Variants in SPP1 observed in about 807,000 individuals in gnomAD.
The protein encoded by SPP1 is osteopontin.
In SPP1, 18 loss-of-function variants were observed where a neutral mutation model predicts 20.8. The ratio of observed to expected loss-of-function variants is 0.87; its 90% CI spans 0.60 to 1.29. The LOEUF is 1.29. SPP1 is among the 50% of genes most tolerant of loss of function. The pLI, the probability that SPP1 is intolerant of heterozygous loss-of-function variation, is 0.00. For missense variants in SPP1, 363 were observed against 389.0 expected, an observed-to-expected ratio of 0.93 and a Z score of 0.56; for synonymous variants, 146 against 141.5, an observed-to-expected ratio of 1.03 and a Z score of -0.23.
At position 87,980,069 on chromosome 4, in the gene SPP1, T is replaced by C. The variant is rs767865468; in HGVS notation, c.117T>C (p.Ala39=). The change falls in exon 4 of 7, where the codon GCT becomes GCC. Residue 39 remains alanine, a synonymous_variant. Coordinates refer to ENST00000395080, the MANE Select transcript of SPP1 (RefSeq NM_001040058.2). ...EKQLYNKYPD[A]VATWLNPDPS... is the part of the protein sequence containing the mutation. ...AGCTTTACAACAAATACCCAGATGC[T>C]GTGGCCACATGGCTAAACCCTGACC... is the stretch of plus-strand genomic sequence containing the variant. The C allele has an allele frequency of 2.8e-5, 45 of 1,614,082 alleles. No individual in the cohort carries two copies. The highest frequency in any genetic ancestry group is 3.8e-5 in the Non-Finnish European group (45 of 1,180,044).
At chr4:87,981,332 C>CT in intron 5 of SPP1, 143 bp from the exon 6 acceptor site, 1 of 645,038 alleles carries the variant, frequency 1.6e-6, no homozygotes, top group South Asian at 2.4e-5. Context: ...CTCACTTTAG[C>CT]TCCTAAAAGC....
chr4:87,978,489 A>G (rs6839573), intron 3 of SPP1, among the ~76,000 whole-genome samples: 21,273 of 138,454 alleles, frequency 0.15, 4,354 homozygotes, highest in African/African-American at 0.48. Context: ...TCCGCCTCCC[A>G]GGTTCACCCC....
rs1254554076 is a variant in SPP1 at position 87,983,225 on chromosome 4, A to T, written c.*329A>T. 1 of 187,034 alleles carries T rather than the reference A, an allele frequency of 5.3e-6. No homozygotes were observed. Among genetic ancestry groups the T allele is most frequent in the Admixed American group, 5.6e-5 (1 of 17,712 alleles). 11.6% of individuals were successfully genotyped at this position (187,034 alleles called of 1,614,324 possible). On this transcript the variant is annotated 3_prime_UTR_variant, in exon 7 of 7. Transcript: ENST00000395080. ...ATACTTTTACCCACTTAAAAAGAGA[A>T]TATAACATTTTATGTCACTATAATC...
At chr4:87,979,543 G>C (rs563190784) in intron 3 of SPP1, among the ~76,000 whole-genome samples, 1 of 152,248 alleles carries the variant, frequency 6.6e-6, no homozygotes, top group African/African-American at 2.4e-5. Context: ...CACAGTCTTA[G>C]AGAGTTCCTT....
chr4:87,982,028 A>G (rs1314638437), intron 6 of SPP1, among the ~76,000 whole-genome samples: 2 of 152,086 alleles, frequency 1.3e-5, no homozygotes, highest in Non-Finnish European at 2.9e-5. Context: ...CTACTTTTTG[A>G]AATCCTGGAT....
At chr4:87,976,458 G>C (rs1044064964) in intron 1 of SPP1, among the ~76,000 whole-genome samples, 1 of 152,122 alleles carries the variant, frequency 6.6e-6, no homozygotes. Flanking sequence ...GTACATGTTG[G>C]AAAAATGGAT....
chr4:87,979,312 C>T (rs564790819), intron 3 of SPP1, among the ~76,000 whole-genome samples: 22 of 151,680 alleles, frequency 1.5e-4, no homozygotes, highest in Non-Finnish European at 2.5e-4. Context: ...GTACAGGTGC[C>T]TGCCACCACG....
intron 3 of SPP1, 137 bp downstream of exon 3, chr4:87,977,234 C>A: frequency 1.1e-6 from 1 of 869,590 alleles, no homozygotes; most frequent in Non-Finnish European, 1.8e-6. Flanking sequence ...TGACTGCCTG[C>A]TATGAATCTA....
chr4:87,978,908 T>G (rs1445456893), intron 3 of SPP1, among the ~76,000 whole-genome samples: 7 of 152,188 alleles, frequency 4.6e-5, no homozygotes, highest in Non-Finnish European at 5.9e-5. Flanking sequence ...TGGCCCTGGA[T>G]GATTCAGCAG....
chr4:87,978,745 T>C (rs560011866), intron 3 of SPP1, among the ~76,000 whole-genome samples: 6 of 152,120 alleles, frequency 3.9e-5, no homozygotes, highest in Non-Finnish European at 8.8e-5. Flanking sequence ...AGAAGCCCAA[T>C]ACTAAGCTCC....
Position 87,980,129 on chromosome 4 carries a change from A to G in SPP1, c.174+3A>G. 1 of 1,614,122 alleles carries G rather than the reference A, an allele frequency of 6.2e-7. No individual in the cohort carries two copies. Among genetic ancestry groups the G allele is most frequent in the Non-Finnish European group, 8.5e-7 (1 of 1,179,992 alleles). ...AGCAGAATCTCCTAGCCCCACAGGT[A>G]TTTTTAAACTTCTCATAATTAAACT... On this transcript the variant is annotated splice_donor_region_variant and intron_variant, in intron 4 of 6. Transcript: ENST00000395080.
Position 87,982,913 on chromosome 4 carries a change from AT to A in SPP1, c.*20del. 1 of 1,566,432 alleles carries A rather than the reference AT, an allele frequency of 6.4e-7. No individual in the cohort carries two copies. The highest frequency in any genetic ancestry group is 2.3e-5 in the East Asian group (1 of 44,392). On this transcript the variant is annotated 3_prime_UTR_variant, in exon 7 of 7. Transcript: ENST00000395080. ...GTCAATTAAAAGGAGAAAAAATACAATTTCTCACTTTGCATTTAGTCAAAAG... is the reference window on the plus strand; with the variant it reads ...GTCAATTAAAAGGAGAAAAAATACAATTCTCACTTTGCATTTAGTCAAAAG...
intron 1 of SPP1, among the ~76,000 whole-genome samples, 169 bp downstream of exon 1, chr4:87,975,969 C>T (rs1044850494): frequency 1.3e-5 from 2 of 152,116 alleles, no homozygotes; most frequent in African/African-American, 4.8e-5. Context: ...ACAAAGGTGT[C>T]TAGATATTTT....
At chr4:87,982,430 G>T (rs940997359) in intron 6 of SPP1, 62 bp from the exon 7 acceptor site, 2 of 1,552,352 alleles carry the variant, frequency 1.3e-6, no homozygotes, top group African/African-American at 2.7e-5. Flanking sequence ...AGTGGAAAAG[G>T]ATTACCATAT....
chr4:87,982,467 A>C, intron 6 of SPP1, 25 bp from the exon 7 acceptor site: 1 of 1,602,088 alleles, frequency 6.2e-7, no homozygotes. Context: ...TCATATAATT[A>C]TTCTTCATTT....
intron 3 of SPP1, 106 bp from the exon 4 acceptor site, chr4:87,979,940 C>A: frequency 1.8e-6 from 2 of 1,092,370 alleles, no homozygotes; most frequent in Non-Finnish European, 2.6e-6. Flanking sequence ...ACCTAAGGGT[C>A]CGGGTGACTA....
In SPP1 at chr4:87,981,628, C is replaced by G; in HGVS notation, c.370C>G (p.His124Asp). The G allele has an allele frequency of 6.2e-7, 1 of 1,614,216 alleles. No homozygotes were observed. The highest frequency in any genetic ancestry group is 8.5e-7 in the Non-Finnish European group (1 of 1,180,042). ...TDDSHQSDES[H>D]HSDESDELVT... ...TGATTCTCACCAGTCTGATGAGTCT[C>G]ACCATTCTGATGAATCTGATGAACT... Residue 124 changes from histidine (H) to aspartate (D), a missense_variant, in exon 6 of 7, where the codon CAC (histidine) becomes GAC (aspartate). Physicochemically the swap from His to Asp is moderately conservative, Grantham distance 81. Coordinates refer to ENST00000395080, the MANE Select transcript of SPP1 (RefSeq NM_001040058.2).
chr4:87,980,293 G>A, intron 4 of SPP1, 100 bp from the exon 5 acceptor site: 1 of 1,540,278 alleles, frequency 6.5e-7, no homozygotes, highest in Non-Finnish European at 8.9e-7. Context: ...CCACAGATGA[G>A]GCTGAAAAAT....
Position 87,981,459 on chromosome 4 carries a change from C to T in SPP1, c.217-16C>T, listed in dbSNP as rs759353574. 13 of 1,606,028 alleles carry T rather than the reference C, an allele frequency of 8.1e-6. No individual in the cohort carries two copies. Among genetic ancestry groups the T allele is most frequent in the East Asian group, 4.5e-5 (2 of 44,794 alleles). On this transcript the variant is annotated splice_polypyrimidine_tract_variant and intron_variant, in intron 5 of 6. Transcript: ENST00000395080. Reference sequence around the variant, plus strand: ...AAAACCCATATATTAATTTTCCCGGCCATCTTAATTTTCAGACCCTTCCAA... The same window carrying T: ...AAAACCCATATATTAATTTTCCCGGTCATCTTAATTTTCAGACCCTTCCAA...
Sources: allele counts gnomAD v4.1 joint callset (sites outside exome capture counted in the v4.1 genomes callset), GRCh38; gene constraint gnomAD v4.1.1; transcripts MANE v1.5; gene names NCBI Gene and HGNC (gene_info 2026-07-23, HGNC 2026-07-21).